Variants in SEH1L observed in about 807,000 individuals in gnomAD.
SEH1L encodes SEH1 like nucleoporin.
SEH1L carries 18 observed loss-of-function variants against 49.5 expected under a neutral mutation model. The observed-to-expected ratio is 0.36, with a 90% CI of 0.25 to 0.54. SEH1L has a LOEUF of 0.54. Among genes scored for constraint, SEH1L ranks in the 20% least tolerant of loss-of-function variants. The probability of loss-of-function intolerance (pLI) is 0.87; values close to 1 mark genes in which losing one functional copy is unlikely to be tolerated. For synonymous variants in SEH1L, 169 were observed against 178.1 expected, an observed-to-expected ratio of 0.95 and a Z score of 0.41; for missense variants, 404 against 528.8, an observed-to-expected ratio of 0.76 and a Z score of 2.31.
At chr18:12,985,270 T>C (rs759322061) in intron 8 of SEH1L, 1 of 1,608,222 alleles carries the variant, frequency 6.2e-7, no homozygotes, top group Non-Finnish European at 8.5e-7. Context: ...CTAACTGGAG[T>C]AACTTTGCTG....
intron 6 of SEH1L, among the ~76,000 whole-genome samples, 192 bp from the exon 7 acceptor site, chr18:12,982,326 A>G (rs1223788532): frequency 6.6e-6 from 1 of 152,180 alleles, no homozygotes; most frequent in East Asian, 1.9e-4. Flanking sequence ...AGTTAAATGA[A>G]AATGACATTG....
chr18:12,987,292 G>A lies in SEH1L; in HGVS notation c.*235G>A, dbSNP rs113690982. ...ATGAAATGAGATATGTCCAAGTAAC[G>A]TTAACTGTGAAGTTACACACAGTAG... On this transcript the variant is annotated 3_prime_UTR_variant, in exon 9 of 9. Transcript: ENST00000399892. 4.2e-5 allele frequency: 14 copies of A among 332,182 alleles called. No individual in the cohort carries two copies. The highest frequency in any genetic ancestry group is 2.3e-4 in the African/African-American group (11 of 47,010). The allele number at this position is 332,182 out of a possible 1,614,324, so 20.6% of individuals were successfully genotyped here.
intron 7 of SEH1L, 80 bp downstream of exon 7, chr18:12,982,755 T>C (rs1453259492): frequency 6.0e-6 from 7 of 1,172,584 alleles, no homozygotes; most frequent in Admixed American, 5.0e-5. Context: ...CTCTGAAATA[T>C]TTTTTGAAAA....
chr18:12,981,781 A>G (rs1183578527), intron 6 of SEH1L, among the ~76,000 whole-genome samples: 1 of 147,038 alleles, frequency 6.8e-6, no homozygotes, highest in African/African-American at 2.5e-5. Flanking sequence ...ATTTAACTTT[A>G]ATTTTGAATT....
chr18:12,980,798 C>T (rs530055321), intron 6 of SEH1L, among the ~76,000 whole-genome samples: 11 of 98,170 alleles, frequency 1.1e-4, no homozygotes, highest in South Asian at 8.7e-4. Flanking sequence ...ACCTCCCGGA[C>T]GGGGCGGCTG....
At chr18:12,968,846 A>G (rs1330064842) in intron 4 of SEH1L, among the ~76,000 whole-genome samples, 1 of 152,176 alleles carries the variant, frequency 6.6e-6, no homozygotes, top group African/African-American at 2.4e-5. Context: ...AAATGTGAAT[A>G]TCTTAGTTCT....
rs551684929 is a variant in SEH1L at position 12,979,978 on chromosome 18, G to A, written c.761+1086G>A. ...CAGAGGTGCCCCTCACCTCCCGGAC[G>A]GGGCGGCTGGCCGGGCGCGGGGCTG... On this transcript the variant is annotated intron_variant, in intron 6 of 8. Transcript: ENST00000399892. 6.7e-3 allele frequency among the ~76,000 whole-genome samples: 861 copies of A among 128,316 alleles called. 4 individuals are homozygous for A. The highest frequency in any genetic ancestry group is 0.021 in the East Asian group (70 of 3,272). The allele number at this position is 128,316 out of a possible 152,430, so 84.2% of individuals were successfully genotyped here. A position where few individuals can be genotyped will look rare whatever the true frequency, so the allele number is the denominator to read the frequency against.
At chr18:12,980,423 A>AT (rs1186883249) in intron 6 of SEH1L, among the ~76,000 whole-genome samples, 802 of 61,226 alleles carry the variant, frequency 0.013, 43 homozygotes, top group Middle Eastern at 0.036. Flanking sequence ...CGGGGGGCTG[A>AT]CCCCCCAACC....
intron 3 of SEH1L, 142 bp downstream of exon 3, chr18:12,955,751 T>G (rs2030814285): frequency 1.2e-6 from 1 of 803,392 alleles, no homozygotes; most frequent in Non-Finnish European, 1.9e-6. Context: ...CTTCCATGTT[T>G]TTTTCTTCCT....
chr18:12,950,462 T>C (rs1161073740), intron 1 of SEH1L, among the ~76,000 whole-genome samples: 2 of 152,234 alleles, frequency 1.3e-5, no homozygotes. Context: ...TATAGACTTA[T>C]TGCTAATGTG....
At chr18:12,948,470 G>C in intron 1 of SEH1L, 1 of 384,774 alleles carries the variant, frequency 2.6e-6, no homozygotes, top group Non-Finnish European at 4.7e-6. Context: ...GCGCGCTCCC[G>C]CCCGCAGGGT....
chr18:12,969,462 G>A (rs2031600057), intron 4 of SEH1L, among the ~76,000 whole-genome samples: 1 of 151,606 alleles, frequency 6.6e-6, no homozygotes, highest in East Asian at 1.9e-4. Flanking sequence ...GGCCGAGGTG[G>A]GCGGATCATG....
intron 1 of SEH1L, chr18:12,948,813 G>A (rs1227160927): frequency 1.3e-5 from 2 of 151,050 alleles, no homozygotes; most frequent in East Asian, 3.9e-4. Flanking sequence ...TCCCGTAAAC[G>A]TCTGTAGACA....
chr18:12,975,967 C>G (rs763436965), intron 5 of SEH1L: 6 of 712,446 alleles, frequency 8.4e-6, no homozygotes, highest in Non-Finnish European at 8.6e-6. Flanking sequence ...GTGGTAAGCA[C>G]AATTTATTTC....
At chr18:12,985,935 A>G (rs1192486073) in intron 8 of SEH1L, 2 of 926,462 alleles carry the variant, frequency 2.2e-6, no homozygotes, top group African/African-American at 3.6e-5. Flanking sequence ...TAAGATGGAA[A>G]CACTTTTTTT....
In SEH1L at chr18:12,971,158, G is replaced by T; in HGVS notation, c.527G>T (p.Arg176Leu). ...TTCTTTCTCCCCGTTTCTAGCTCTCGTGCTCATTCCCCCATGATCGCCGTA... is the reference window on the plus strand; with the variant it reads ...TTCTTTCTCCCCGTTTCTAGCTCTCTTGCTCATTCCCCCATGATCGCCGTA... ...SCISWNPSSS[R>L]AHSPMIAVGS... is the part of the protein sequence containing the mutation. The change falls in exon 5 of 9, where the codon CGT becomes CTT. Residue 176 changes from arginine to leucine, a missense_variant. Arg to Leu is a moderately radical substitution (Grantham distance 102). Around this residue, in one of 3 missense-constraint regions of SEH1L, gnomAD observed 342 missense variants for 430.8 expected, o/e 0.79. Transcript: ENST00000399892. 6.2e-7 allele frequency: 1 copy of T among 1,610,892 alleles called. No individual in the cohort carries two copies. Among genetic ancestry groups the T allele is most frequent in the Non-Finnish European group, 8.5e-7 (1 of 1,177,326 alleles).
In SEH1L at chr18:12,963,139, T is replaced by A. The variant is rs537811355; in HGVS notation, c.310-21T>A. On this transcript the variant is annotated intron_variant, in intron 3 of 8. Coordinates refer to ENST00000399892, the MANE Select transcript of SEH1L (RefSeq NM_001013437.2). Reference sequence around the variant, plus strand: ...GCTTTCTTTTTGTATATAATTTAAATTGTTATTATTTTTTTTTTAGGTTAA... The same window carrying A: ...GCTTTCTTTTTGTATATAATTTAAAATGTTATTATTTTTTTTTTAGGTTAA... 2.5e-5 allele frequency: 38 copies of A among 1,536,878 alleles called. No individual in the cohort carries two copies. In the African/African-American group the frequency reaches 4.9e-4, roughly 20 times the overall value.
At chr18:12,982,916 C>A in intron 7 of SEH1L, 1 of 319,742 alleles carries the variant, frequency 3.1e-6, no homozygotes, top group Non-Finnish European at 5.8e-6. Context: ...ACAGAATATG[C>A]AATATCTCCA....
At chr18:12,979,260 G>C (rs1207555285) in intron 6 of SEH1L, among the ~76,000 whole-genome samples, 1 of 148,950 alleles carries the variant, frequency 6.7e-6, no homozygotes. Flanking sequence ...ATTAGGGAGT[G>C]GCGATGACTC....
Sources: gnomAD v4.1 joint callset for allele counts (sites outside exome capture counted in the v4.1 genomes callset) on GRCh38, gnomAD v4.1.1 for gene constraint, gnomAD v4.1.1 regional missense constraint, MANE v1.5 for transcripts, NCBI Gene and HGNC (gene_info 2026-07-23, HGNC 2026-07-21) for gene names.